DPEP3: variants seen among roughly 807,000 people sequenced by gnomAD.
The protein encoded by DPEP3 is membrane-bound dipeptidase 3.
Under a neutral mutation model 47.5 loss-of-function variants are expected in DPEP3, and 42 were observed. That is an observed-to-expected ratio of 0.88 (90% CI 0.69 to 1.14). DPEP3 has a LOEUF of 1.14. Among genes scored for constraint, DPEP3 ranks in the 50% most tolerant of loss-of-function variants. DPEP3 has a pLI of 0.00. For missense variants in DPEP3, 560 were observed against 635.0 expected (o/e 0.88, Z 1.27); for synonymous variants, 276 against 270.2 (o/e 1.02, Z -0.21).
rs1332733934 is a variant in DPEP3, at chr16:67,975,896, C to G, written c.1336G>C (p.Ala446Pro). ...TGCTTGGTCACCTCCAGATGAGTAG[C>G]CTGGTGTCCATTCTGAGGCACGAGG... ...SHLVPQNGHQ[A>P]THLEVTKQPT... Residue 446 changes from alanine to proline, a missense_variant, in exon 10 of 10, where the codon GCT becomes CCT. Coordinates refer to ENST00000268793, the MANE Select transcript of DPEP3 (RefSeq NM_001370198.1). 6.2e-7 allele frequency: 1 copy of G among 1,613,758 alleles called. No individual in the cohort carries two copies. The highest frequency in any genetic ancestry group is 1.3e-5 in the African/African-American group (1 of 74,920).
At position 67,975,780 on chromosome 16, in the gene DPEP3, G is replaced by A. The variant is rs1209456550; in HGVS notation, c.1452C>T (p.Thr484=). The change falls in exon 10 of 10, where the codon ACC becomes ACT. Residue 484 remains threonine, a synonymous_variant. Coordinates refer to ENST00000268793, the MANE Select transcript of DPEP3 (RefSeq NM_001370198.1). ...ACCGACTGTGTCAGCAGAGCCACTG[G>A]GTGAAGGTTGGGATGGTGGCAGCAG... The part of the protein sequence containing the change: ...LVAAATIPTF[T]QWLC 1.9e-6 allele frequency: 3 copies of A among 1,613,116 alleles called. No individual in the cohort carries two copies. The highest frequency in any genetic ancestry group is 2.5e-6 in the Non-Finnish European group (3 of 1,179,592).
At chr16:67,977,627 G>C (rs375404243) in intron 6 of DPEP3, 26 bp downstream of exon 6, 26 of 1,599,658 alleles carry the variant, frequency 1.6e-5, no homozygotes, top group African/African-American at 2.7e-5. Flanking sequence ...CACATGCCTA[G>C]TTTGAGAGCT....
intron 6 of DPEP3, 122 bp from the exon 7 acceptor site, chr16:67,977,476 T>G (rs1784154384): frequency 1.7e-5 from 21 of 1,268,720 alleles, no homozygotes; most frequent in Non-Finnish European, 2.3e-5. Flanking sequence ...AGGCTTCACC[T>G]CTCTGCGTTT....
chr16:67,978,041 A>G lies in DPEP3; in HGVS notation c.687-34T>C. The stretch of plus-strand genomic sequence containing the variant: ...CAGCCATGGAAGGGCAATTTAGCTG[A>G]TCACACCTTGGGCCATCACAGCCTG... On this transcript the variant is annotated intron_variant, in intron 4 of 9. Coordinates refer to ENST00000268793, the MANE Select transcript of DPEP3 (RefSeq NM_001370198.1). This position sits in a 1 kb window ranked among gnomAD's most constrained non-coding sequence, Gnocchi z 4.4. 6.2e-7 allele frequency: 1 copy of G among 1,612,946 alleles called. No individual in the cohort carries two copies.
At chr16:67,977,165 G>A (rs2031213535) in intron 7 of DPEP3, 105 bp downstream of exon 7, 1 of 978,020 alleles carries the variant, frequency 1.0e-6, no homozygotes, top group Non-Finnish European at 1.6e-6. Context: ...GTCGTTGGGA[G>A]GTCTGCCCAT....
Position 67,979,687 on chromosome 16 carries a change from A to G in DPEP3, c.366T>C (p.His122=). ...TAAGCCTGTCCAGGCTGGTCTGACCATGGCTGAAATTTCGCAGGTTAACAT... is the reference window on the plus strand; with the variant it reads ...TAAGCCTGTCCAGGCTGGTCTGACCGTGGCTGAAATTTCGCAGGTTAACAT... The part of the protein sequence containing the change: ...LQDVNLRNFS[H]GQTSLDRLRD... Residue 122 remains histidine (H), a synonymous_variant, in exon 2 of 10, where the codon CAT becomes CAC. Transcript: ENST00000268793. 6.2e-7 allele frequency: 1 copy of G among 1,614,136 alleles called. No individual in the cohort carries two copies.
Position 67,975,862 on chromosome 16 carries a change from T to C in DPEP3, c.1370A>G (p.Asn457Ser), listed in dbSNP as rs142524684. Residue 457 changes from asparagine to serine, a missense_variant, in exon 10 of 10, where the codon AAT becomes AGT. Asn to Ser is a conservative substitution (Grantham distance 46). Coordinates refer to ENST00000268793, the MANE Select transcript of DPEP3 (RefSeq NM_001370198.1). ...THLEVTKQPTNRVPWRSSNAS... is the reference protein window; with the variant it reads ...THLEVTKQPTSRVPWRSSNAS... Reference sequence around the variant, plus strand: ...ATTTGAGGACCTCCAGGGGACCCGATTGGTTGGCTGCTTGGTCACCTCCAG... The same window carrying C: ...ATTTGAGGACCTCCAGGGGACCCGACTGGTTGGCTGCTTGGTCACCTCCAG... 30 of 1,613,820 alleles carry C rather than the reference T, an allele frequency of 1.9e-5. 1 individual carries two copies. Among genetic ancestry groups the C allele is most frequent in the Middle Eastern group, 3.3e-4 (2 of 6,062 alleles).
chr16:67,976,295 A>C, intron 8 of DPEP3, 67 bp from the exon 9 acceptor site: 1 of 1,594,554 alleles, frequency 6.3e-7, no homozygotes, highest in Non-Finnish European at 8.5e-7. Context: ...CCCGCTGCCC[A>C]CCAGCCCTAG....
Position 67,980,163 on chromosome 16 carries a change from C to T in DPEP3, c.218G>A (p.Gly73Asp). 1 of 1,612,070 alleles carries T rather than the reference C, an allele frequency of 6.2e-7. No individual in the cohort carries two copies. The highest frequency in any genetic ancestry group is 8.5e-7 in the Non-Finnish European group (1 of 1,179,118). Residue 73 changes from glycine to aspartate, a missense_variant, in exon 1 of 10, where the codon GGC becomes GAC. Coordinates refer to ENST00000268793, the MANE Select transcript of DPEP3 (RefSeq NM_001370198.1). Reference protein sequence around the residue: ...ALTTPGLTTPGTPKTLDLRGR... With the variant: ...ALTTPGLTTPDTPKTLDLRGR... ...CCGAAGGTCCAGGGTTTTGGGGGTG[C>T]CTGGCGTAGTGAGGCCTGGGGTAGT...
Position 67,976,189 on chromosome 16 carries a change from GACTGGGT to G in DPEP3, c.1127_1133del (p.Tyr376SerfsTer2). On this transcript the variant is annotated frameshift_variant, in exon 9 of 10. Coordinates refer to ENST00000268793, the MANE Select transcript of DPEP3 (RefSeq NM_001370198.1). LOFTEE classifies it high-confidence loss of function. The stretch of plus-strand genomic sequence containing the variant: ...TACGACTCAGCAACTCCTCTATCAG[GACTGGGT>G]ATGTGGACACATCCTCCAGCCCCTG... The G allele has an allele frequency of 6.2e-7, 1 of 1,614,188 alleles. No individual in the cohort carries two copies.
At position 67,976,245 on chromosome 16, in the gene DPEP3, C is replaced by A; in HGVS notation, c.1095-17G>T. ...TGAGGGAACCTGTGTGGCCACCCAC[C>A]AGCCAGCTGTGGGACCTTAGCCCTG... is the stretch of plus-strand genomic sequence containing the variant. On this transcript the variant is annotated splice_polypyrimidine_tract_variant and intron_variant, in intron 8 of 9. Transcript: ENST00000268793. The A allele has an allele frequency of 6.2e-7, 1 of 1,613,794 alleles. No homozygotes were observed. The highest frequency in any genetic ancestry group is 8.5e-7 in the Non-Finnish European group (1 of 1,179,796).
rs1452793716 is a variant in DPEP3, at chr16:67,978,077, CTCTA to C, written c.687-74_687-71del. 1 of 1,594,246 alleles carries C rather than the reference CTCTA, an allele frequency of 6.3e-7. No individual in the cohort carries two copies. Among genetic ancestry groups the C allele is most frequent in the East Asian group, 2.2e-5 (1 of 44,748 alleles). ...GGCCATCACAGCCTGGGGGCCCTGG[CTCTA>C]TCCATCCATCCTGCTTCCAGAACAG... On this transcript the variant is annotated intron_variant, in intron 4 of 9. Coordinates refer to ENST00000268793, the MANE Select transcript of DPEP3 (RefSeq NM_001370198.1). The surrounding 1 kb of genome is among the most constrained non-coding windows in gnomAD (Gnocchi z 4.4).
Position 67,975,731 on chromosome 16 carries a change from T to A in DPEP3, c.*34A>T, listed in dbSNP as rs1157210362. The A allele has an allele frequency of 1.3e-6, 2 of 1,579,004 alleles. No homozygotes were observed. The highest frequency in any genetic ancestry group is 2.3e-5 in the South Asian group (2 of 87,702). ...ACTAGGAGAGGGGGCTTTGTGAGGC[T>A]TTGCCACAGTGACCTCTGCGGGGAC... is the stretch of plus-strand genomic sequence containing the variant. On this transcript the variant is annotated 3_prime_UTR_variant, in exon 10 of 10. Coordinates refer to ENST00000268793, the MANE Select transcript of DPEP3 (RefSeq NM_001370198.1).
rs1365605128 is a variant in DPEP3 at position 67,979,657 on chromosome 16, G to A, written c.396C>T (p.Asp132=). 8.1e-6 allele frequency: 13 copies of A among 1,613,868 alleles called. No homozygotes were observed. Among genetic ancestry groups the A allele is most frequent in the South Asian group, 5.5e-5 (5 of 91,088 alleles). The part of the protein sequence containing the change: ...HGQTSLDRLR[D]GLVGAQFWSA... The stretch of plus-strand genomic sequence containing the variant: ...GTGGTACCTGGGCACCCACGAGGCC[G>A]TCTCTAAGCCTGTCCAGGCTGGTCT... The change falls in exon 2 of 10, where the codon GAC becomes GAT. Residue 132 remains aspartate, a synonymous_variant. Coordinates refer to ENST00000268793, the MANE Select transcript of DPEP3 (RefSeq NM_001370198.1).
chr16:67,979,995 G>A (rs780481663), intron 1 of DPEP3, 99 bp downstream of exon 1: 4 of 1,474,312 alleles, frequency 2.7e-6, no homozygotes, highest in Non-Finnish European at 3.6e-6. Flanking sequence ...GTGGTGTGAG[G>A]GAGCCTCCTT....
chr16:67,977,606 C>T (rs1341700905), intron 6 of DPEP3, 47 bp downstream of exon 6: 3 of 1,572,728 alleles, frequency 1.9e-6, no homozygotes, highest in Non-Finnish European at 2.6e-6. Context: ...GGGTCAAGAA[C>T]CTTTGGATAA....
At chr16:67,976,036 A>G (rs966019683) in intron 9 of DPEP3, 35 bp from the exon 10 acceptor site, 2 of 1,613,562 alleles carry the variant, frequency 1.2e-6, no homozygotes, top group Non-Finnish European at 1.7e-6. Context: ...AGGCTCCCAC[A>G]GCAATCCCCT....
chr16:67,976,557 C>A, intron 8 of DPEP3, 143 bp downstream of exon 8: 1 of 782,556 alleles, frequency 1.3e-6, no homozygotes, highest in Admixed American at 2.6e-5. Context: ...AGGAAACAGG[C>A]CCTGAGAGTG....
rs1002243074 is a variant in DPEP3 at position 67,977,445 on chromosome 16, C to T, written c.934-91G>A. 7.8e-6 allele frequency: 11 copies of T among 1,402,432 alleles called. No individual in the cohort carries two copies. The Admixed American group carries it at 9.8e-5, about 12-fold the overall frequency. 86.9% of individuals were successfully genotyped at this position (1,402,432 alleles called of 1,614,324 possible). ...GGGCCCTGGTAGGACTGTGCTCCATCCTGGCTTCAGGGGTTGGAAGAGGCT... is the reference window on the plus strand; with the variant it reads ...GGGCCCTGGTAGGACTGTGCTCCATTCTGGCTTCAGGGGTTGGAAGAGGCT... On this transcript the variant is annotated intron_variant, in intron 6 of 9. Transcript: ENST00000268793.
Sources: gnomAD v4.1 joint callset for allele counts on GRCh38, gnomAD v4.1.1 for gene constraint, Gnocchi (gnomAD v3.1) non-coding constraint, MANE v1.5 for transcripts, NCBI Gene and HGNC (gene_info 2026-07-23, HGNC 2026-07-21) for gene names.